The following ZFPM2 variants were observed in gnomAD, a reference collection of about 807,000 sequenced individuals.
The protein encoded by ZFPM2 is zinc finger protein, FOG family member 2.
ZFPM2 carries 20 observed loss-of-function variants against 98.6 expected under a neutral mutation model. That is an observed-to-expected ratio of 0.20 (90% CI 0.14 to 0.29). ZFPM2 has a LOEUF of 0.29. ZFPM2 is among the 10% of genes least tolerant of loss of function. The pLI is 1.00. For missense variants in ZFPM2, 1,310 were observed against 1,388.6 expected, an observed-to-expected ratio of 0.94 and a Z score of 0.90; for synonymous variants, 518 against 502.7, an observed-to-expected ratio of 1.03 and a Z score of -0.41.
chr8:105,442,109 G>C (rs569879177), intron 2 of ZFPM2, among the ~76,000 whole-genome samples: 1 of 151,856 alleles, frequency 6.6e-6, no homozygotes, highest in South Asian at 2.1e-4. Flanking sequence ...CGAGGTGGGC[G>C]GATCACGAGG....
chr8:105,649,032 T>C (rs1481157709), intron 5 of ZFPM2, among the ~76,000 whole-genome samples: 2 of 152,224 alleles, frequency 1.3e-5, no homozygotes, highest in African/African-American at 4.8e-5. Flanking sequence ...CTTCCATTTG[T>C]TTGTGTCCTC....
Position 105,356,090 on chromosome 8 carries a change from G to T in ZFPM2, c.40+37109G>T, listed in dbSNP as rs538123517. 2.0e-5 allele frequency among the ~76,000 whole-genome samples: 3 copies of T among 152,230 alleles called. No homozygotes were observed. The South Asian group carries it at 6.2e-4, about 32-fold the overall frequency. ...CCTTACATGGAAGTTTTTGTGAAAG[G>T]GAATTGTAACAAACACAGTGGTTAA... On this transcript the variant is annotated intron_variant, in intron 1 of 7. Coordinates refer to ENST00000407775, the MANE Select transcript of ZFPM2 (RefSeq NM_012082.4).
intron 3 of ZFPM2, among the ~76,000 whole-genome samples, chr8:105,503,336 T>A (rs1813634268): frequency 6.6e-6 from 1 of 152,180 alleles, no homozygotes; most frequent in Non-Finnish European, 1.5e-5. Context: ...AATAACTGAA[T>A]GGAGCACCTT....
chr8:105,564,059 ATT>A (rs567877263), intron 4 of ZFPM2, among the ~76,000 whole-genome samples: 1 of 151,970 alleles, frequency 6.6e-6, no homozygotes, highest in Admixed American at 6.6e-5. Context: ...AGAAAGTTTG[ATT>A]TTTTTATTTT....
chr8:105,361,396 C>T (rs1284189451), intron 1 of ZFPM2, among the ~76,000 whole-genome samples: 26 of 148,770 alleles, frequency 1.7e-4, no homozygotes, highest in South Asian at 8.7e-4. Flanking sequence ...GAGTAGGTTG[C>T]GAAAATTTTC....
intron 1 of ZFPM2, among the ~76,000 whole-genome samples, chr8:105,337,263 A>G (rs1812345878): frequency 6.6e-6 from 1 of 151,792 alleles, no homozygotes; most frequent in African/African-American, 2.4e-5. Flanking sequence ...CAAGACAACA[A>G]TAGTTTCACA....
chr8:105,666,852 G>A (rs1817499314), intron 5 of ZFPM2, among the ~76,000 whole-genome samples: 1 of 151,812 alleles, frequency 6.6e-6, no homozygotes, highest in Non-Finnish European at 1.5e-5. Context: ...GTTCTTGATG[G>A]AGCAATAAAA....
At position 105,802,342 on chromosome 8, in the gene ZFPM2, C is replaced by A. The variant is rs1157811924; in HGVS notation, c.2260C>A (p.Pro754Thr). The change falls in exon 8 of 8, where the codon CCA (proline) becomes ACA (threonine). Residue 754 changes from proline to threonine, a missense_variant. Physicochemically the swap from Pro to Thr is conservative, Grantham distance 38. Coordinates refer to ENST00000407775, the MANE Select transcript of ZFPM2 (RefSeq NM_012082.4). ...MCLPEQEQRPPLVQQRFLDVA... is the reference protein window; with the variant it reads ...MCLPEQEQRPTLVQQRFLDVA... Reference sequence around the variant, plus strand: ...CCTACCTGAGCAGGAACAAAGGCCTCCACTGGTTCAGCAGAGATTTCTTGA... The same window carrying A: ...CCTACCTGAGCAGGAACAAAGGCCTACACTGGTTCAGCAGAGATTTCTTGA... The A allele has an allele frequency of 6.2e-7, 1 of 1,613,814 alleles. No homozygotes were observed. Among genetic ancestry groups the A allele is most frequent in the Admixed American group, 1.7e-5 (1 of 59,984 alleles).
chr8:105,399,063 G>C (rs1360786046), intron 1 of ZFPM2, among the ~76,000 whole-genome samples: 1 of 152,182 alleles, frequency 6.6e-6, no homozygotes, highest in Admixed American at 6.5e-5. Flanking sequence ...AGAATTAAAA[G>C]AGGGTTGATG....
intron 3 of ZFPM2, among the ~76,000 whole-genome samples, chr8:105,514,174 T>A (rs2130518577): frequency 6.6e-6 from 1 of 152,144 alleles, no homozygotes; most frequent in South Asian, 2.1e-4. Context: ...GTCTAAATTT[T>A]GTATTTTTAG....
At chr8:105,560,776 T>G (rs1338166425) in intron 3 of ZFPM2, among the ~76,000 whole-genome samples, 1 of 152,180 alleles carries the variant, frequency 6.6e-6, no homozygotes, top group East Asian at 1.9e-4. Context: ...GCTGGTTATT[T>G]CTAAAGTATT....
At chr8:105,534,996 T>C (rs1181039517) in intron 3 of ZFPM2, among the ~76,000 whole-genome samples, 1 of 152,144 alleles carries the variant, frequency 6.6e-6, no homozygotes, top group East Asian at 1.9e-4. Context: ...ATTCTCCGAA[T>C]ACATGGTGTA....
intron 3 of ZFPM2, among the ~76,000 whole-genome samples, chr8:105,499,057 A>G (rs1383967439): frequency 6.6e-6 from 1 of 152,120 alleles, no homozygotes; most frequent in Non-Finnish European, 1.5e-5. Flanking sequence ...GGAAACATTT[A>G]AAATAGGCAT....
intron 3 of ZFPM2, among the ~76,000 whole-genome samples, chr8:105,530,362 T>C (rs1164623544): frequency 6.6e-6 from 1 of 152,176 alleles, no homozygotes; most frequent in Non-Finnish European, 1.5e-5. Flanking sequence ...TTAACATAGA[T>C]TGTGGTTAGT....
chr8:105,597,331 G>T (rs1221804970), intron 4 of ZFPM2, among the ~76,000 whole-genome samples: 1 of 152,060 alleles, frequency 6.6e-6, no homozygotes, highest in Non-Finnish European at 1.5e-5. Flanking sequence ...AATGTCCAAT[G>T]CTGGACTATT....
chr8:105,361,727 A>G (rs1812867361), intron 1 of ZFPM2, among the ~76,000 whole-genome samples: 1 of 152,192 alleles, frequency 6.6e-6, no homozygotes, highest in African/African-American at 2.4e-5. Flanking sequence ...CTTGCATTTA[A>G]TAGATTCTAT....
intron 1 of ZFPM2, among the ~76,000 whole-genome samples, chr8:105,416,817 C>T (rs1028023759): frequency 2.6e-5 from 4 of 151,864 alleles, no homozygotes; most frequent in African/African-American, 7.2e-5. Context: ...CAGTAATTTG[C>T]GAAGAGCAGC....
chr8:105,647,751 CCA>C (rs1245653443), intron 5 of ZFPM2, among the ~76,000 whole-genome samples: 1 of 152,106 alleles, frequency 6.6e-6, no homozygotes, highest in African/African-American at 2.4e-5. Flanking sequence ...TGTATATGTG[CCA>C]CATTTTCTTA....
intron 3 of ZFPM2, among the ~76,000 whole-genome samples, chr8:105,520,567 A>T (rs1814031071): frequency 6.6e-6 from 1 of 152,132 alleles, no homozygotes; most frequent in Non-Finnish European, 1.5e-5. Flanking sequence ...TGTATAGATG[A>T]CATAATCCTT....
Sources: allele counts gnomAD v4.1 joint callset (sites outside exome capture counted in the v4.1 genomes callset), GRCh38; gene constraint gnomAD v4.1.1; transcripts MANE v1.5; gene names NCBI Gene and HGNC (gene_info 2026-07-23, HGNC 2026-07-21).